NKAIN2: variants seen among roughly 807,000 people sequenced by gnomAD.
The protein encoded by NKAIN2 is sodium/potassium-transporting ATPase subunit beta-1-interacting protein 2.
In NKAIN2, 14 loss-of-function variants were observed where a neutral mutation model predicts 32.6. The observed-to-expected ratio is 0.43, with a 90% CI of 0.28 to 0.67. The LOEUF is 0.67. NKAIN2 is among the 30% of genes least tolerant of loss of function. The pLI, the probability that NKAIN2 is intolerant of heterozygous loss-of-function variation, is 0.17. For missense variants in NKAIN2, 198 were observed against 258.3 expected (o/e 0.77, Z 1.60); for synonymous variants, 80 against 87.2 (o/e 0.92, Z 0.46).
intron 1 of NKAIN2, among the ~76,000 whole-genome samples, chr6:124,277,030 A>G (rs1440248243): frequency 6.6e-6 from 1 of 152,182 alleles, no homozygotes. Context: ...AGTTGGGCAC[A>G]GGGGAAACCT....
chr6:123,883,118 C>T (rs1355684002), intron 1 of NKAIN2, among the ~76,000 whole-genome samples: 1 of 152,016 alleles, frequency 6.6e-6, no homozygotes, highest in African/African-American at 2.4e-5. Flanking sequence ...GTTGATTTCT[C>T]CTTTGCTGTT....
chr6:124,752,209 A>T (rs1777753692), intron 4 of NKAIN2, among the ~76,000 whole-genome samples: 1 of 152,000 alleles, frequency 6.6e-6, no homozygotes, highest in African/African-American at 2.4e-5. Flanking sequence ...TGACTTAGAA[A>T]GAAAAGCTTA....
chr6:124,237,925 G>C (rs1239625300), intron 1 of NKAIN2, among the ~76,000 whole-genome samples: 1 of 152,052 alleles, frequency 6.6e-6, no homozygotes, highest in Non-Finnish European at 1.5e-5. Context: ...TGAGTGGAGG[G>C]GTTTTTGAGG....
intron 1 of NKAIN2, among the ~76,000 whole-genome samples, chr6:124,041,835 A>G (rs972425461): frequency 1.4e-4 from 21 of 152,122 alleles, no homozygotes; most frequent in Non-Finnish European, 2.9e-4. Context: ...ACTAAGTTCA[A>G]TTTTAACCTA....
intron 1 of NKAIN2, among the ~76,000 whole-genome samples, chr6:123,965,736 C>G (rs1778041575): frequency 1.3e-5 from 2 of 152,188 alleles, no homozygotes; most frequent in Non-Finnish European, 2.9e-5. Context: ...TCAAATGCCA[C>G]TTTATCCACG....
At chr6:124,419,079 T>C (rs1186477477) in intron 3 of NKAIN2, among the ~76,000 whole-genome samples, 3 of 152,128 alleles carry the variant, frequency 2.0e-5, no homozygotes, top group Non-Finnish European at 1.5e-5. Context: ...TGTTGTTTTT[T>C]CTCAAACTGA....
intron 1 of NKAIN2, among the ~76,000 whole-genome samples, chr6:123,990,667 T>G (rs970189842): frequency 5.3e-5 from 8 of 152,204 alleles, no homozygotes; most frequent in Non-Finnish European, 1.2e-4. Flanking sequence ...ACACTTTGCA[T>G]ATGTCTGGTG....
chr6:124,608,605 A>C (rs1562281970), intron 3 of NKAIN2, among the ~76,000 whole-genome samples: 1 of 152,164 alleles, frequency 6.6e-6, no homozygotes, highest in East Asian at 1.9e-4. Flanking sequence ...CCAAATCTCT[A>C]TCTTGTCAAA....
intron 1 of NKAIN2, among the ~76,000 whole-genome samples, chr6:124,011,557 A>G (rs1017688803): frequency 3.3e-5 from 5 of 152,190 alleles, no homozygotes; most frequent in Non-Finnish European, 5.9e-5. Flanking sequence ...TGTCTTGGTT[A>G]ATGGCATCAT....
chr6:124,326,166 C>T (rs1016536929), intron 2 of NKAIN2, among the ~76,000 whole-genome samples: 3 of 148,896 alleles, frequency 2.0e-5, no homozygotes, highest in Non-Finnish European at 4.5e-5. Flanking sequence ...TTTCGTCTAA[C>T]CATCAAATTT....
rs869039720 is a variant in NKAIN2, at chr6:124,398,252, C to CAAAAAAAAAAAAAAAAAAA, written c.273+42917_273+42935dup. Among the ~76,000 whole-genome samples, 29 of 69,066 alleles carry CAAAAAAAAAAAAAAAAAAA rather than the reference C, an allele frequency of 4.2e-4. 1 individual carries two copies. Among genetic ancestry groups the CAAAAAAAAAAAAAAAAAAA allele is most frequent in the African/African-American group, 1.4e-3 (18 of 12,918 alleles). 45.3% of individuals were successfully genotyped at this position (69,066 alleles called of 152,430 possible). On this transcript the variant is annotated intron_variant, in intron 3 of 6. Transcript: ENST00000368417. The stretch of plus-strand genomic sequence containing the variant: ...TGGGTGACAGAGAGAGACTGCATCT[C>CAAAAAAAAAAAAAAAAAAA]AAAAAAAAAAAAAAAAAAAAAAAAA...
chr6:124,343,625 T>C (rs1174377100), intron 2 of NKAIN2, among the ~76,000 whole-genome samples: 1 of 151,472 alleles, frequency 6.6e-6, no homozygotes, highest in East Asian at 1.9e-4. Context: ...TGCATAAATG[T>C]CTTCTTTTGA....
chr6:124,050,062 G>A (rs1300716096), intron 1 of NKAIN2, among the ~76,000 whole-genome samples: 1 of 151,846 alleles, frequency 6.6e-6, no homozygotes, highest in African/African-American at 2.4e-5. Context: ...GTATATATGG[G>A]GTTTGTATTA....
intron 1 of NKAIN2, among the ~76,000 whole-genome samples, chr6:123,983,920 T>A (rs1582883837): frequency 6.6e-6 from 1 of 152,110 alleles, no homozygotes; most frequent in Admixed American, 6.6e-5. Flanking sequence ...TTATTTATTT[T>A]TTTTGAGATG....
intron 1 of NKAIN2, among the ~76,000 whole-genome samples, chr6:123,815,628 A>C (rs1161762271): frequency 6.6e-6 from 1 of 152,078 alleles, no homozygotes; most frequent in Non-Finnish European, 1.5e-5. Flanking sequence ...AATCTATGAA[A>C]CTTAGATGAA....
chr6:124,473,792 C>T (rs1583303968), intron 3 of NKAIN2, among the ~76,000 whole-genome samples: 1 of 152,250 alleles, frequency 6.6e-6, no homozygotes, highest in East Asian at 1.9e-4. Context: ...AATAATTCAT[C>T]TGGAACCCAT....
chr6:124,629,522 G>A (rs987710913), intron 3 of NKAIN2, among the ~76,000 whole-genome samples: 3 of 152,138 alleles, frequency 2.0e-5, no homozygotes, highest in Admixed American at 1.3e-4. Context: ...ATAATTTATC[G>A]ATGCACACAG....
chr6:123,998,139 C>A (rs984808822), intron 1 of NKAIN2, among the ~76,000 whole-genome samples: 1 of 151,878 alleles, frequency 6.6e-6, no homozygotes, highest in Non-Finnish European at 1.5e-5. Flanking sequence ...TTTAATGTAA[C>A]AAAGATAGAT....
intron 3 of NKAIN2, among the ~76,000 whole-genome samples, chr6:124,435,980 G>T (rs2114579411): frequency 6.6e-6 from 1 of 152,148 alleles, no homozygotes; most frequent in East Asian, 1.9e-4. Context: ...AATGTCAAGT[G>T]CTCTACGGAC....
Sources: allele counts gnomAD v4.1 joint callset (sites outside exome capture counted in the v4.1 genomes callset), GRCh38; gene constraint gnomAD v4.1.1; transcripts MANE v1.5; gene names NCBI Gene and HGNC (gene_info 2026-07-23, HGNC 2026-07-21).